The following PRR5 variants were observed in gnomAD, a reference collection of about 807,000 sequenced individuals.
PRR5 encodes proline-rich protein 5.
A neutral mutation model predicts 30.6 loss-of-function variants in PRR5; 25 were observed. The ratio of observed to expected loss-of-function variants is 0.82; its 90% CI spans 0.60 to 1.14. The LOEUF (loss-of-function observed/expected upper bound fraction) is 1.14. Among genes scored for constraint, PRR5 ranks in the 50% most tolerant of loss-of-function variants. The pLI, the probability that PRR5 is intolerant of heterozygous loss-of-function variation, is 0.00. For missense variants in PRR5, 600 were observed against 547.1 expected (o/e 1.10, Z -0.96); for synonymous variants, 286 against 247.1 (o/e 1.16, Z -1.48).
In PRR5 at chr22:44,736,866, C is replaced by T. The variant is rs780152115; in HGVS notation, c.786C>T (p.Pro262=). 2.2e-5 allele frequency: 36 copies of T among 1,609,322 alleles called. No homozygotes were observed. Among genetic ancestry groups the T allele is most frequent in the Non-Finnish European group, 2.9e-5 (34 of 1,178,020 alleles). ...GCTACAACACGCCTCTGCTGAACCC[C>T]GTGCAGGAGCACGAGGCGGAGGGCG... ...SKSYNTPLLN[P]VQEHEAEGAA... is the part of the protein sequence containing the mutation. Residue 262 remains proline, a synonymous_variant, in exon 8 of 8, where the codon CCC becomes CCT. Transcript: ENST00000336985.
intron 1 of PRR5, among the ~76,000 whole-genome samples, chr22:44,677,891 T>G (rs1488219960): frequency 6.6e-6 from 1 of 152,234 alleles, no homozygotes; most frequent in Admixed American, 6.5e-5. Flanking sequence ...CACCAAAGCT[T>G]GTGGGCACGG....
At chr22:44,695,977 CT>C (rs1202110746) in intron 1 of PRR5, among the ~76,000 whole-genome samples, 10 of 143,918 alleles carry the variant, frequency 6.9e-5, no homozygotes, top group African/African-American at 2.6e-4. Flanking sequence ...GTCACCCAGG[CT>C]GGAGTGCAAT....
At chr22:44,710,538 C>T (rs1928039250) in intron 1 of PRR5, among the ~76,000 whole-genome samples, 3 of 152,200 alleles carry the variant, frequency 2.0e-5, no homozygotes, top group Admixed American at 2.0e-4. Flanking sequence ...AGAGGGGCAG[C>T]TGGGGTTTCG....
chr22:44,668,898 G>T (rs1168838130), intron 1 of PRR5: 1 of 150,280 alleles, frequency 6.7e-6, no homozygotes, highest in Admixed American at 6.6e-5. Flanking sequence ...CGGAAGGGGG[G>T]GCCCCGGGGC....
intron 4 of PRR5, chr22:44,729,180 T>C: frequency 1.9e-6 from 1 of 534,966 alleles, no homozygotes; most frequent in Non-Finnish European, 2.4e-6. Context: ...CTTGCCTCCA[T>C]GCCTGTGCCT....
Position 44,737,590 on chromosome 22 carries a change from C to T in PRR5, c.*343C>T. ...CCCAGTGGGCTCTGCCCACGCCGGG[C>T]CCCAAAGTGACCAGACTCCAGCACA... On this transcript the variant is annotated 3_prime_UTR_variant, in exon 8 of 8. Coordinates refer to ENST00000336985, the MANE Select transcript of PRR5 (RefSeq NM_181333.4). 1 of 268,122 alleles carries T rather than the reference C, an allele frequency of 3.7e-6. No homozygotes were observed. The highest frequency in any genetic ancestry group is 7.1e-6 in the Non-Finnish European group (1 of 141,552). 16.6% of individuals were successfully genotyped at this position (268,122 alleles called of 1,614,324 possible). A position where few individuals can be genotyped will look rare whatever the true frequency, so the allele number is the denominator to read the frequency against.
At chr22:44,671,409 G>A (rs575458921) in intron 1 of PRR5, among the ~76,000 whole-genome samples, 2 of 151,992 alleles carry the variant, frequency 1.3e-5, no homozygotes, top group South Asian at 4.2e-4. Flanking sequence ...TGGGGAGCAC[G>A]TGGTGGCACG....
chr22:44,701,115 C>G (rs1243151947), upstream of PRR5, among the ~76,000 whole-genome samples: 1 of 152,216 alleles, frequency 6.6e-6, no homozygotes, highest in Non-Finnish European at 1.5e-5. Context: ...CTCCTGACCT[C>G]AGGTGATCCT....
intron 1 of PRR5, among the ~76,000 whole-genome samples, chr22:44,678,575 A>G (rs901947198): frequency 6.6e-5 from 10 of 152,016 alleles, no homozygotes; most frequent in Non-Finnish European, 1.0e-4. Flanking sequence ...TCTGCCCCCC[A>G]AAGTGCTGGG....
chr22:44,675,387 C>T (rs144178762), upstream of PRR5, among the ~76,000 whole-genome samples: 100 of 152,378 alleles, frequency 6.6e-4, no homozygotes, highest in Middle Eastern at 3.4e-3. Flanking sequence ...GCCACCACGT[C>T]TGGCCTGTTC....
At chr22:44,703,883 A>G (rs1926766729) in intron 1 of PRR5, among the ~76,000 whole-genome samples, 1 of 151,108 alleles carries the variant, frequency 6.6e-6, no homozygotes, top group East Asian at 1.9e-4. Context: ...ACCCTATCTC[A>G]AAAAAAAAGA....
intron 4 of PRR5, chr22:44,729,436 C>T (rs1286776646): frequency 1.0e-6 from 1 of 985,406 alleles, no homozygotes; most frequent in Non-Finnish European, 1.2e-6. Flanking sequence ...GGCCGCTCGC[C>T]TGCATCAGCC....
chr22:44,712,490 C>T (rs777322854), intron 1 of PRR5, among the ~76,000 whole-genome samples: 1 of 152,146 alleles, frequency 6.6e-6, no homozygotes, highest in South Asian at 2.1e-4. Context: ...GTCCCGGCTC[C>T]GTGTGGGGAC....
chr22:44,707,843 T>C (rs915166609), intron 1 of PRR5, among the ~76,000 whole-genome samples: 10 of 152,324 alleles, frequency 6.6e-5, no homozygotes, highest in Admixed American at 6.5e-4. Flanking sequence ...ACTTCCTCCT[T>C]GCCAGGCCTG....
intron 1 of PRR5, among the ~76,000 whole-genome samples, chr22:44,710,475 C>T (rs1928023190): frequency 6.6e-6 from 1 of 152,178 alleles, no homozygotes; most frequent in Non-Finnish European, 1.5e-5. Flanking sequence ...AGCCCTCACC[C>T]AGAAGCCATG....
intron 2 of PRR5, 82 bp from the exon 3 acceptor site, chr22:44,725,162 G>A (rs1930487524): frequency 1.3e-6 from 2 of 1,587,468 alleles, no homozygotes; most frequent in East Asian, 2.3e-5. Flanking sequence ...CCCTGCCCAG[G>A]AGGCCCCACC....
chr22:44,719,095 T>TC, intron 2 of PRR5, among the ~76,000 whole-genome samples: 1 of 152,102 alleles, frequency 6.6e-6, no homozygotes, highest in Non-Finnish European at 1.5e-5. Flanking sequence ...TAATCTTTTT[T>TC]TTTTTTTTTA....
rs377255293 is a variant in PRR5, at chr22:44,696,945, C to T, written c.-10-5547C>T. ...AGAGACAGGGTTTCACCATGTTAGC[C>T]AGGGTAGTCTCCAACTCCTGACCTC... On this transcript the variant is annotated intron_variant, in intron 1 of 8. Coordinates refer to the PRR5 transcript ENST00000006251. Among the ~76,000 whole-genome samples, 3 of 152,180 alleles carry T rather than the reference C, an allele frequency of 2.0e-5. No homozygotes were observed. In the East Asian group the frequency reaches 5.8e-4, roughly 29 times the overall value.
At chr22:44,675,876 C>T (rs987216596), upstream of PRR5, among the ~76,000 whole-genome samples, 1 of 151,758 alleles carries the variant, frequency 6.6e-6, no homozygotes, top group African/African-American at 2.4e-5. Context: ...TGCCCCACTC[C>T]TAGCCACGAT....
Sources: gnomAD v4.1 joint callset for allele counts (sites outside exome capture counted in the v4.1 genomes callset) on GRCh38, gnomAD v4.1.1 for gene constraint, MANE v1.5 for transcripts, NCBI Gene and HGNC (gene_info 2026-07-23, HGNC 2026-07-21) for gene names.